ADGRL2: variants seen among roughly 807,000 people sequenced by gnomAD.
ADGRL2 encodes calcium-independent alpha-latrotoxin receptor 2.
In ADGRL2, 44 loss-of-function variants were observed where a neutral mutation model predicts 157.4. That is an observed-to-expected ratio of 0.28 (90% CI 0.22 to 0.36). The LOEUF (loss-of-function observed/expected upper bound fraction) is 0.36. Among genes scored for constraint, ADGRL2 ranks in the 10% least tolerant of loss-of-function variants. The pLI, the probability that ADGRL2 is intolerant of heterozygous loss-of-function variation, is 1.00. For synonymous variants in ADGRL2, 585 were observed against 624.7 expected, an observed-to-expected ratio of 0.94 and a Z score of 0.95; for missense variants, 1,510 against 1,768.9, an observed-to-expected ratio of 0.85 and a Z score of 2.63.
intron 2 of ADGRL2, among the ~76,000 whole-genome samples, chr1:81,570,340 T>A (rs1021757289): frequency 6.6e-6 from 1 of 152,332 alleles, no homozygotes; most frequent in Admixed American, 6.5e-5. Flanking sequence ...CTGTAATTGC[T>A]ACTCATTCAT....
Position 81,786,634 on chromosome 1 carries a change from A to G in ADGRL2, c.-101+24782A>G, listed in dbSNP as rs539986846. On this transcript the variant is annotated intron_variant, in intron 2 of 20. Transcript: ENST00000359929. ...TAGAAATTCTTAAACTCTGGAAGTC[A>G]TTCCAATTTGAAGCAAATATTCTTC... Among the ~76,000 whole-genome samples, 3 of 152,356 alleles carry G rather than the reference A, an allele frequency of 2.0e-5. No individual in the cohort carries two copies. The South Asian group carries it at 6.2e-4, about 32-fold the overall frequency.
At chr1:81,450,057 T>C (rs2077676703) in intron 2 of ADGRL2, among the ~76,000 whole-genome samples, 2 of 152,296 alleles carry the variant, frequency 1.3e-5, no homozygotes, top group South Asian at 4.1e-4. Flanking sequence ...TCAAGTTGCT[T>C]TCTTTTGGTT....
At chr1:81,425,468 T>C (rs978576123) in intron 1 of ADGRL2, among the ~76,000 whole-genome samples, 2 of 152,172 alleles carry the variant, frequency 1.3e-5, no homozygotes, top group Non-Finnish European at 2.9e-5. Context: ...ACTCTACTTT[T>C]CAGGGGAAAA....
intron 1 of ADGRL2, among the ~76,000 whole-genome samples, chr1:81,373,473 C>T (rs977548711): frequency 2.0e-5 from 3 of 152,132 alleles, no homozygotes; most frequent in African/African-American, 7.2e-5. Context: ...TGAGAAGGAA[C>T]AATTACAAAA....
intron 2 of ADGRL2, among the ~76,000 whole-genome samples, chr1:81,544,824 T>C (rs1170261924): frequency 6.6e-6 from 1 of 152,196 alleles, no homozygotes; most frequent in Non-Finnish European, 1.5e-5. Flanking sequence ...GAAAGGTAAC[T>C]CTGACAGTGA....
Position 81,736,163 on chromosome 1 carries a change from G to A in ADGRL2, c.-142-25648G>A, listed in dbSNP as rs553232563. Among the ~76,000 whole-genome samples the A allele has an allele frequency of 7.6e-4, 109 of 144,018 alleles. 2 individuals are homozygous for A. Among genetic ancestry groups the A allele is most frequent in the African/African-American group, 2.8e-3 (106 of 37,924 alleles). The allele number at this position is 144,018 out of a possible 152,430, so 94.5% of individuals were successfully genotyped here. On this transcript the variant is annotated intron_variant, in intron 1 of 20. Transcript: ENST00000359929. ...GTCTCAAAAAAAAAAAAAAAAAAAG[G>A]AGTCAAACTGACAATCAGTTTGACT... is the stretch of plus-strand genomic sequence containing the variant.
chr1:81,823,104 G>A (rs1004200808), intron 1 of ADGRL2, among the ~76,000 whole-genome samples: 15 of 151,174 alleles, frequency 9.9e-5, no homozygotes, highest in African/African-American at 1.9e-4. Context: ...CTCTATTTAG[G>A]AGGTCTCCGA....
At chr1:81,836,847 A>G (rs2092311225) in intron 1 of ADGRL2, 38 bp from the exon 2 acceptor site, 2 of 543,234 alleles carry the variant, frequency 3.7e-6, no homozygotes, top group Non-Finnish European at 6.5e-6. Flanking sequence ...TTATGTAGAA[A>G]GACCATAGAG....
At chr1:81,487,091 C>CAA (rs146122539) in intron 2 of ADGRL2, among the ~76,000 whole-genome samples, 3,799 of 85,106 alleles carry the variant, frequency 0.045, 245 homozygotes, top group African/African-American at 0.19. Context: ...CTCATCTCTA[C>CAA]AAAAAAAAAA....
At chr1:81,725,310 C>T (rs192836520) in intron 1 of ADGRL2, among the ~76,000 whole-genome samples, 9 of 151,578 alleles carry the variant, frequency 5.9e-5, no homozygotes, top group African/African-American at 1.2e-4. Context: ...GAGGCCGAAG[C>T]GGGCAGATCA....
chr1:81,949,688 G>A (rs1651117991), intron 6 of ADGRL2, among the ~76,000 whole-genome samples: 1 of 152,204 alleles, frequency 6.6e-6, no homozygotes, highest in Admixed American at 6.5e-5. Context: ...GCTGCTGGGT[G>A]GAAAGATGTC....
At chr1:81,924,848 A>C (rs907425628) in intron 3 of ADGRL2, among the ~76,000 whole-genome samples, 2 of 152,070 alleles carry the variant, frequency 1.3e-5, no homozygotes, top group African/African-American at 2.4e-5. Context: ...TTTTCATGTC[A>C]AAGAGATTGT....
intron 1 of ADGRL2, among the ~76,000 whole-genome samples, chr1:81,829,514 G>A (rs709698): frequency 0.99 from 151,252 of 152,300 alleles, 75,120 homozygotes; most frequent in Middle Eastern, 1. Context: ...TTGAATTTTC[G>A]TTATCTGTAG....
intron 2 of ADGRL2, among the ~76,000 whole-genome samples, chr1:81,547,204 G>C (rs1296111052): frequency 6.6e-6 from 1 of 152,154 alleles, no homozygotes; most frequent in Non-Finnish European, 1.5e-5. Flanking sequence ...AAGAGCTGAG[G>C]GAGACTCTGA....
intron 1 of ADGRL2, among the ~76,000 whole-genome samples, chr1:81,398,164 C>T (rs2076690288): frequency 6.6e-6 from 1 of 152,010 alleles, no homozygotes; most frequent in Admixed American, 6.5e-5. Context: ...CATGGAATAT[C>T]TTTTTCCATC....
In ADGRL2 at chr1:81,615,324, C is replaced by A. The variant is rs58923295; in HGVS notation, c.-143+34344C>A. ...AATCAGGGAATCAAAGCAGGCCACC[C>A]GAGCCAGCAGCGGCAACCCACTTGG... On this transcript the variant is annotated intron_variant, in intron 3 of 24. Transcript: ENST00000370721. Among the ~76,000 whole-genome samples the A allele has an allele frequency of 5.4e-3, 815 of 152,320 alleles. 15 individuals are homozygous for A. Among genetic ancestry groups the A allele is most frequent in the African/African-American group, 0.018 (764 of 41,568 alleles).
At chr1:81,521,974 T>C (rs951525347) in intron 2 of ADGRL2, among the ~76,000 whole-genome samples, 1 of 151,466 alleles carries the variant, frequency 6.6e-6, no homozygotes, top group East Asian at 1.9e-4. Context: ...TTTGTTTTTT[T>C]TTTTTTTTGA....
chr1:81,706,006 C>G (rs527388406), intron 1 of ADGRL2, among the ~76,000 whole-genome samples: 17 of 151,980 alleles, frequency 1.1e-4, no homozygotes, highest in African/African-American at 4.1e-4. Context: ...GTCAGGAGAT[C>G]GAGACCATCC....
chr1:81,939,850 C>T (rs960066299), intron 4 of ADGRL2, among the ~76,000 whole-genome samples: 1 of 151,216 alleles, frequency 6.6e-6, no homozygotes. Flanking sequence ...AATATAATAA[C>T]GTAGGGACTT....
Sources: gnomAD v4.1 joint callset for allele counts (sites outside exome capture counted in the v4.1 genomes callset) on GRCh38, gnomAD v4.1.1 for gene constraint, MANE v1.5 for transcripts, NCBI Gene and HGNC (gene_info 2026-07-23, HGNC 2026-07-21) for gene names.